TUBB4B: variants seen among roughly 807,000 people sequenced by gnomAD.
TUBB4B encodes the protein tubulin beta 4B class IVb.
TUBB4B carries 7 observed loss-of-function variants against 34.3 expected under a neutral mutation model. The ratio of observed to expected loss-of-function variants is 0.20; its 90% CI spans 0.12 to 0.38. The LOEUF (loss-of-function observed/expected upper bound fraction) is 0.38, where lower values mean the gene tolerates loss of function less well. Ranked by LOEUF, TUBB4B falls within the 10% of genes least tolerant of loss-of-function variation. TUBB4B has a pLI of 1.00. For synonymous variants in TUBB4B, 390 were observed against 250.2 expected, an observed-to-expected ratio of 1.56 and a Z score of -5.27; for missense variants, 178 against 610.9, an observed-to-expected ratio of 0.29 and a Z score of 7.47.
Position 137,242,417 on chromosome 9 carries a change from C to T in TUBB4B, c.278-79C>T, listed in dbSNP as rs148196630. On this transcript the variant is annotated intron_variant, in intron 3 of 3. Coordinates refer to ENST00000340384, the MANE Select transcript of TUBB4B (RefSeq NM_006088.6). ...ATTCTGTGGTCAGCTCACACCATGT[C>T]ACTCGGCTTTTTTCGCATGGCGGTG... 503 of 1,524,288 alleles carry T rather than the reference C, an allele frequency of 3.3e-4. 5 individuals are homozygous for T. The East Asian group carries it at 0.011, about 34-fold the overall frequency. 94.4% of individuals were successfully genotyped at this position (1,524,288 alleles called of 1,614,324 possible).
rs1836800431 is a variant in TUBB4B at position 137,243,477 on chromosome 9, C to G, written c.1259C>G (p.Ser420Cys). 1 of 1,613,670 alleles carries G rather than the reference C, an allele frequency of 6.2e-7. No homozygotes were observed. The highest frequency in any genetic ancestry group is 8.5e-7 in the Non-Finnish European group (1 of 1,180,048). ...EAESNMNDLV[S>C]EYQQYQDATA... ...GAGAGCAACATGAATGACCTGGTGTCCGAGTACCAGCAGTACCAGGATGCC... is the reference window on the plus strand; with the variant it reads ...GAGAGCAACATGAATGACCTGGTGTGCGAGTACCAGCAGTACCAGGATGCC... Residue 420 changes from serine (S) to cysteine (C), a missense_variant, in exon 4 of 4, where the codon TCC becomes TGC. Physicochemically the swap from Ser to Cys is moderately radical, Grantham distance 112. Coordinates refer to ENST00000340384, the MANE Select transcript of TUBB4B (RefSeq NM_006088.6).
rs935844423 is a variant in TUBB4B, at chr9:137,243,076, G to T, written c.858G>T (p.Val286=). The T allele has an allele frequency of 1.2e-6, 2 of 1,612,884 alleles. No homozygotes were observed. Among genetic ancestry groups the T allele is most frequent in the Non-Finnish European group, 1.7e-6 (2 of 1,180,042 alleles). ...GCCAGCAGTACCGGGCGCTGACCGT[G>T]CCCGAGCTCACCCAGCAGATGTTTG... ...RGSQQYRALT[V]PELTQQMFDA... Residue 286 remains valine (V), a synonymous_variant, in exon 4 of 4, where the codon GTG becomes GTT. Coordinates refer to ENST00000340384, the MANE Select transcript of TUBB4B (RefSeq NM_006088.6).
chr9:137,242,145 C>A lies in TUBB4B; in HGVS notation c.277+124C>A, dbSNP rs1014391938. 37 of 995,388 alleles carry A rather than the reference C, an allele frequency of 3.7e-5. 1 individual carries two copies. Among genetic ancestry groups the A allele is most frequent in the African/African-American group, 3.5e-4 (21 of 60,798 alleles). 61.7% of individuals were successfully genotyped at this position (995,388 alleles called of 1,614,324 possible). ...TCCTCTTCTCTGAGCCACTCAATCCCCTCTACTAAATCGGCTTTGGGAGCA... is the reference window on the plus strand; with the variant it reads ...TCCTCTTCTCTGAGCCACTCAATCCACTCTACTAAATCGGCTTTGGGAGCA... On this transcript the variant is annotated intron_variant, in intron 3 of 3. Coordinates refer to ENST00000340384, the MANE Select transcript of TUBB4B (RefSeq NM_006088.6).
In TUBB4B at chr9:137,243,016, C is replaced by T. The variant is rs1836789256; in HGVS notation, c.798C>T (p.Phe266=). The change falls in exon 4 of 4, where the codon TTC becomes TTT. Residue 266 remains phenylalanine, a synonymous_variant. Transcript: ENST00000340384. The stretch of plus-strand genomic sequence containing the variant: ...TCCCGTTTCCCCGGCTGCACTTCTT[C>T]ATGCCCGGCTTTGCCCCACTGACCA... ...NMVPFPRLHF[F]MPGFAPLTSR... 2 of 1,612,802 alleles carry T rather than the reference C, an allele frequency of 1.2e-6. No homozygotes were observed. Among genetic ancestry groups the T allele is most frequent in the Admixed American group, 3.3e-5 (2 of 60,000 alleles).
chr9:137,243,400 C>T lies in TUBB4B; in HGVS notation c.1182C>T (p.Phe394=), dbSNP rs749798438. 1.9e-6 allele frequency: 3 copies of T among 1,613,488 alleles called. No homozygotes were observed. Among genetic ancestry groups the T allele is most frequent in the Admixed American group, 1.7e-5 (1 of 60,012 alleles). ...CGGCCATGTTCCGGCGCAAGGCCTT[C>T]CTGCACTGGTACACGGGCGAGGGCA... ...QFTAMFRRKA[F]LHWYTGEGMD... is the part of the protein sequence containing the mutation. The change falls in exon 4 of 4, where the codon TTC becomes TTT. Residue 394 remains phenylalanine (F), a synonymous_variant. Coordinates refer to ENST00000340384, the MANE Select transcript of TUBB4B (RefSeq NM_006088.6).
At chr9:137,242,348 G>C in intron 3 of TUBB4B, 148 bp from the exon 4 acceptor site, 13 of 970,288 alleles carry the variant, frequency 1.3e-5, no homozygotes, top group South Asian at 1.7e-5. Flanking sequence ...GCAGGCTGCC[G>C]TCTTTTGGCT....
At position 137,241,356 on chromosome 9, in the gene TUBB4B, C is replaced by T. The variant is rs369321247; in HGVS notation, c.-5C>T. On this transcript the variant is annotated 5_prime_UTR_variant, in exon 1 of 4. Coordinates refer to ENST00000340384, the MANE Select transcript of TUBB4B (RefSeq NM_006088.6). ...TCCTGCTTCCCCGCCGCCGCCGCCG[C>T]CATCATGAGGGAAATCGTGCACTTG... is the stretch of plus-strand genomic sequence containing the variant. 2.1e-4 allele frequency: 338 copies of T among 1,601,614 alleles called. No homozygotes were observed. Among genetic ancestry groups the T allele is most frequent in the Non-Finnish European group, 2.8e-4 (324 of 1,177,460 alleles).
rs1198362628 is a variant in TUBB4B at position 137,241,434 on chromosome 9, C to T, written c.57+17C>T. 6.3e-7 allele frequency: 1 copy of T among 1,577,596 alleles called. No homozygotes were observed. The highest frequency in any genetic ancestry group is 1.7e-5 in the Admixed American group (1 of 57,474). ...GGCGCCAAGGTAAGTTGCCGGGGCG[C>T]TGGGGCCAGGCGGGCCTGCCGGGCG... is the stretch of plus-strand genomic sequence containing the variant. On this transcript the variant is annotated intron_variant, in intron 1 of 3. Transcript: ENST00000340384.
chr9:137,243,643 A>G lies in TUBB4B; in HGVS notation c.*87A>G. Reference sequence around the variant, plus strand: ...TCCTGTGGCCTGTCCCACTGTGTGCACTTGCTGTTTTCCCTGTCCACATCC... The same window carrying G: ...TCCTGTGGCCTGTCCCACTGTGTGCGCTTGCTGTTTTCCCTGTCCACATCC... On this transcript the variant is annotated 3_prime_UTR_variant, in exon 4 of 4. Transcript: ENST00000340384. 6.2e-7 allele frequency: 1 copy of G among 1,613,986 alleles called. No homozygotes were observed. Among genetic ancestry groups the G allele is most frequent in the Non-Finnish European group, 8.5e-7 (1 of 1,179,940 alleles).
At chr9:137,241,445 CG>C in intron 1 of TUBB4B, 28 bp downstream of exon 1, 1 of 1,540,656 alleles carries the variant, frequency 6.5e-7, no homozygotes, top group South Asian at 1.2e-5. Context: ...TGGGGCCAGG[CG>C]GGCCTGCCGG....
Position 137,243,567 on chromosome 9 carries a change from C to T in TUBB4B, c.*11C>T. ...GAGGAGGTGGCCTAGAGCCTTCAGT[C>T]ACTGGGGAAAGCAGGGAAGCAGTGT... On this transcript the variant is annotated 3_prime_UTR_variant, in exon 4 of 4. Coordinates refer to ENST00000340384, the MANE Select transcript of TUBB4B (RefSeq NM_006088.6). The T allele has an allele frequency of 6.2e-7, 1 of 1,613,744 alleles. No homozygotes were observed. The highest frequency in any genetic ancestry group is 8.5e-7 in the Non-Finnish European group (1 of 1,179,758).
Position 137,243,678 on chromosome 9 carries a change from A to G in TUBB4B, c.*122A>G, listed in dbSNP as rs1836811177. The stretch of plus-strand genomic sequence containing the variant: ...TTCCCTGTCCACATCCATGCTGTAC[A>G]GACACCACCATTAAAGCATTTTCAT... On this transcript the variant is annotated 3_prime_UTR_variant, in exon 4 of 4. Coordinates refer to ENST00000340384, the MANE Select transcript of TUBB4B (RefSeq NM_006088.6). 3.7e-6 allele frequency: 6 copies of G among 1,614,018 alleles called. No homozygotes were observed. Among genetic ancestry groups the G allele is most frequent in the South Asian group, 3.3e-5 (3 of 91,088 alleles).
In TUBB4B at chr9:137,243,166, G is replaced by C. The variant is rs779820479; in HGVS notation, c.948G>C (p.Val316=). The C allele has an allele frequency of 6.8e-6, 11 of 1,613,128 alleles. No individual in the cohort carries two copies. The South Asian group carries it at 1.1e-4, about 16-fold the overall frequency. ...RHGRYLTVAA[V]FRGRMSMKEV... Reference sequence around the variant, plus strand: ...GCCGCTACCTGACGGTTGCCGCCGTGTTCAGGGGCCGCATGTCCATGAAGG... The same window carrying C: ...GCCGCTACCTGACGGTTGCCGCCGTCTTCAGGGGCCGCATGTCCATGAAGG... The change falls in exon 4 of 4, where the codon GTG becomes GTC. Residue 316 remains valine (V), a synonymous_variant. Transcript: ENST00000340384.
In TUBB4B at chr9:137,242,387, G is replaced by A. The variant is rs888200959; in HGVS notation, c.278-109G>A. On this transcript the variant is annotated intron_variant, in intron 3 of 3. Coordinates refer to ENST00000340384, the MANE Select transcript of TUBB4B (RefSeq NM_006088.6). Reference sequence around the variant, plus strand: ...AAGGGTCCGTTTGCTCTACCTCCAGGGTGAATTCTGTGGTCAGCTCACACC... The same window carrying A: ...AAGGGTCCGTTTGCTCTACCTCCAGAGTGAATTCTGTGGTCAGCTCACACC... 10 of 1,337,504 alleles carry A rather than the reference G, an allele frequency of 7.5e-6. No individual in the cohort carries two copies. In the South Asian group the frequency reaches 8.3e-5, roughly 11 times the overall value. The allele number at this position is 1,337,504 out of a possible 1,614,324, so 82.9% of individuals were successfully genotyped here. A position where few individuals can be genotyped will look rare whatever the true frequency, so the allele number is the denominator to read the frequency against.
At chr9:137,242,438 C>A in intron 3 of TUBB4B, 58 bp from the exon 4 acceptor site, 1 of 1,569,792 alleles carries the variant, frequency 6.4e-7, no homozygotes, top group Admixed American at 1.7e-5. Context: ...TTTCGCATGG[C>A]GGTGACCAGT....
rs201576230 is a variant in TUBB4B, at chr9:137,241,957, C to T, written c.213C>T (p.Gly71=). 1.1e-4 allele frequency: 181 copies of T among 1,611,514 alleles called. No individual in the cohort carries two copies. The highest frequency in any genetic ancestry group is 1.8e-4 in the Admixed American group (11 of 60,006). Residue 71 remains glycine, a synonymous_variant, in exon 3 of 4, where the codon GGC becomes GGT. Coordinates refer to ENST00000340384, the MANE Select transcript of TUBB4B (RefSeq NM_006088.6). ...PRAVLVDLEP[G]TMDSVRSGPF... Reference sequence around the variant, plus strand: ...CCGTGCTCGTGGATCTGGAGCCCGGCACCATGGACTCCGTGCGCTCGGGGC... The same window carrying T: ...CCGTGCTCGTGGATCTGGAGCCCGGTACCATGGACTCCGTGCGCTCGGGGC...
Position 137,242,072 on chromosome 9 carries a change from C to G in TUBB4B, c.277+51C>G, listed in dbSNP as rs370094501. The stretch of plus-strand genomic sequence containing the variant: ...GCGGCTCAAAGGTCAAGGGGCTGCT[C>G]CAAGGGCACCGCCGTGGGAACTGCG... On this transcript the variant is annotated intron_variant, in intron 3 of 3. Coordinates refer to ENST00000340384, the MANE Select transcript of TUBB4B (RefSeq NM_006088.6). The G allele has an allele frequency of 3.3e-4, 509 of 1,560,062 alleles. 1 individual carries two copies. The highest frequency in any genetic ancestry group is 1.8e-3 in the Middle Eastern group (8 of 4,326).
chr9:137,242,368 C>T lies in TUBB4B; in HGVS notation c.278-128C>T, dbSNP rs2131434124. The T allele has an allele frequency of 9.5e-6, 11 of 1,159,890 alleles. No individual in the cohort carries two copies. The South Asian group carries it at 1.2e-4, about 13-fold the overall frequency. The allele number at this position is 1,159,890 out of a possible 1,614,324, so 71.8% of individuals were successfully genotyped here. On this transcript the variant is annotated intron_variant, in intron 3 of 3. Transcript: ENST00000340384. ...CTGCCGTCTTTTGGCTTTGAAGGGT[C>T]CGTTTGCTCTACCTCCAGGGTGAAT...
At chr9:137,242,124 C>A in intron 3 of TUBB4B, 103 bp downstream of exon 3, 1 of 1,143,554 alleles carries the variant, frequency 8.7e-7, no homozygotes, top group Non-Finnish European at 1.2e-6. Flanking sequence ...ACGCCCTCCT[C>A]TTCTCTGAGC....
Sources: gnomAD v4.1 joint callset for allele counts on GRCh38, gnomAD v4.1.1 for gene constraint, MANE v1.5 for transcripts, NCBI Gene and HGNC (gene_info 2026-07-23, HGNC 2026-07-21) for gene names.